COL19A1: variants seen among roughly 807,000 people sequenced by gnomAD.
The protein encoded by COL19A1 is collagen type XIX alpha 1 chain, also known as collagen alpha-1(XIX) chain.
A neutral mutation model predicts 190.2 loss-of-function variants in COL19A1; 159 were observed. The observed-to-expected ratio is 0.84, with a 90% CI of 0.73 to 0.95. The LOEUF is 0.95. Ranked by LOEUF, COL19A1 falls within the 40% of genes least tolerant of loss-of-function variation. The pLI, the probability that COL19A1 is intolerant of heterozygous loss-of-function variation, is 0.00. For missense variants in COL19A1, 1,418 were observed against 1,431.9 expected (o/e 0.99, Z 0.16); for synonymous variants, 509 against 458.9 (o/e 1.11, Z -1.39).
At chr6:70,058,159 A>G (rs759940094) in intron 14 of COL19A1, among the ~76,000 whole-genome samples, 7 of 152,094 alleles carry the variant, frequency 4.6e-5, no homozygotes, top group Non-Finnish European at 8.8e-5. Context: ...CCTATATAAT[A>G]AAAAGATAAG....
At chr6:70,156,476 ATATG>A in intron 33 of COL19A1, 107 bp downstream of exon 33, 11 of 994,854 alleles carry the variant, frequency 1.1e-5, no homozygotes, top group Non-Finnish European at 1.6e-5. Context: ...CTATATATAT[ATATG>A]TATGTATGTA....
chr6:70,017,909 C>T (rs977617381), intron 11 of COL19A1, among the ~76,000 whole-genome samples: 3 of 152,056 alleles, frequency 2.0e-5, no homozygotes, highest in Admixed American at 1.3e-4. Context: ...GAGTGAACTG[C>T]AGAGTGAGTG....
In COL19A1 at chr6:69,936,930, T is replaced by C; in HGVS notation, c.873+20T>C. 6.2e-7 allele frequency: 1 copy of C among 1,611,450 alleles called. No homozygotes were observed. The highest frequency in any genetic ancestry group is 1.1e-5 in the South Asian group (1 of 90,882). On this transcript the variant is annotated intron_variant, in intron 8 of 50. Transcript: ENST00000620364. Reference sequence around the variant, plus strand: ...AACAAGGTATGCTAGTTTTAATTGGTGCACACTGAAAGCCACTCCAGACTA... The same window carrying C: ...AACAAGGTATGCTAGTTTTAATTGGCGCACACTGAAAGCCACTCCAGACTA...
At chr6:70,043,096 T>C (rs907796396) in intron 14 of COL19A1, among the ~76,000 whole-genome samples, 6 of 152,204 alleles carry the variant, frequency 3.9e-5, no homozygotes, top group Non-Finnish European at 7.3e-5. Flanking sequence ...ATGCCTTTAA[T>C]GGCATGTAGA....
chr6:70,152,556 T>A (rs1562224365), intron 31 of COL19A1, among the ~76,000 whole-genome samples: 1 of 152,164 alleles, frequency 6.6e-6, no homozygotes, highest in Non-Finnish European at 1.5e-5. Flanking sequence ...TTATATTTAT[T>A]GAGTTAAAAT....
chr6:69,883,231 GCTC>G (rs565700121), intron 2 of COL19A1, among the ~76,000 whole-genome samples: 52 of 152,306 alleles, frequency 3.4e-4, no homozygotes, highest in African/African-American at 1.3e-3. Flanking sequence ...GAGGGTACAT[GCTC>G]CTGAGAAATG....
intron 4 of COL19A1, among the ~76,000 whole-genome samples, chr6:69,912,767 C>T (rs535868760): frequency 6.6e-6 from 1 of 152,192 alleles, no homozygotes; most frequent in Non-Finnish European, 1.5e-5. Context: ...CTATCAACTC[C>T]TGGCTCACCA....
intron 2 of COL19A1, among the ~76,000 whole-genome samples, chr6:69,883,828 A>C (rs932308381): frequency 6.6e-6 from 1 of 152,226 alleles, no homozygotes; most frequent in Admixed American, 6.5e-5. Flanking sequence ...AGCAGTATAC[A>C]CAGATCTTTC....
intron 12 of COL19A1, among the ~76,000 whole-genome samples, chr6:70,024,788 C>T (rs1340556060): frequency 6.6e-6 from 1 of 152,184 alleles, no homozygotes; most frequent in East Asian, 1.9e-4. Flanking sequence ...GCCCCAGTGG[C>T]TTGTAGCTAT....
intron 9 of COL19A1, 75 bp from the exon 10 acceptor site, chr6:69,959,921 T>G: frequency 3.6e-6 from 5 of 1,372,378 alleles, no homozygotes; most frequent in Non-Finnish European, 5.1e-6. Flanking sequence ...TAGAGCTATT[T>G]GTTAAAGACC....
At chr6:70,003,085 T>C (rs988105804) in intron 11 of COL19A1, among the ~76,000 whole-genome samples, 1 of 152,170 alleles carries the variant, frequency 6.6e-6, no homozygotes, top group Non-Finnish European at 1.5e-5. Context: ...GTAAGTTTTC[T>C]CTTTGTTTTT....
intron 14 of COL19A1, among the ~76,000 whole-genome samples, chr6:70,068,171 T>C (rs534860378): frequency 2.6e-5 from 4 of 152,032 alleles, no homozygotes; most frequent in Non-Finnish European, 5.9e-5. Flanking sequence ...GATTCTTCAC[T>C]GGCGGTGAAC....
chr6:69,963,088 T>G (rs1774896073), intron 11 of COL19A1, among the ~76,000 whole-genome samples: 1 of 152,210 alleles, frequency 6.6e-6, no homozygotes, highest in Admixed American at 6.5e-5. Context: ...AGTTAGATAT[T>G]TCTAGTTAAA....
At chr6:69,940,075 A>G (rs951431607) in intron 9 of COL19A1, among the ~76,000 whole-genome samples, 4 of 111,866 alleles carry the variant, frequency 3.6e-5, no homozygotes, top group African/African-American at 1.1e-4. Context: ...CTGCCCACTG[A>G]AAAAAAAAAA....
intron 47 of COL19A1, among the ~76,000 whole-genome samples, chr6:70,189,428 A>G (rs1766721100): frequency 6.6e-6 from 1 of 152,152 alleles, no homozygotes; most frequent in African/African-American, 2.4e-5. Context: ...GTCTTTGTTC[A>G]TGTTTATATC....
At chr6:70,114,239 A>C (rs1170294952) in intron 16 of COL19A1, among the ~76,000 whole-genome samples, 1 of 151,898 alleles carries the variant, frequency 6.6e-6, no homozygotes, top group Non-Finnish European at 1.5e-5. Context: ...GTGATCTTTC[A>C]CCACACGATG....
At chr6:69,983,971 T>G (rs145077646) in intron 11 of COL19A1, among the ~76,000 whole-genome samples, 108 of 152,220 alleles carry the variant, frequency 7.1e-4, no homozygotes, top group Non-Finnish European at 1.4e-3. Context: ...ATAAAATGAG[T>G]TGAATACTGA....
At chr6:70,058,117 A>G (rs1389032298) in intron 14 of COL19A1, among the ~76,000 whole-genome samples, 1 of 152,086 alleles carries the variant, frequency 6.6e-6, no homozygotes. Flanking sequence ...ATTGGCTTAA[A>G]CAATAGCGAC....
intron 41 of COL19A1, among the ~76,000 whole-genome samples, chr6:70,175,241 T>C (rs1292059086): frequency 6.6e-6 from 1 of 152,206 alleles, no homozygotes; most frequent in Admixed American, 6.5e-5. Context: ...TTCATCCTAG[T>C]TGATCTTTGC....
Sources: gnomAD v4.1 joint callset for allele counts (sites outside exome capture counted in the v4.1 genomes callset) on GRCh38, gnomAD v4.1.1 for gene constraint, MANE v1.5 for transcripts, NCBI Gene and HGNC (gene_info 2026-07-23, HGNC 2026-07-21) for gene names.